Variants in NCAM1 observed in about 807,000 individuals in gnomAD.
NCAM1 encodes the protein neural cell adhesion molecule 1.
In NCAM1, 14 loss-of-function variants were observed where a neutral mutation model predicts 109.8. That is an observed-to-expected ratio of 0.13 (90% CI 0.08 to 0.20). The LOEUF (loss-of-function observed/expected upper bound fraction) is 0.20, where lower values mean the gene tolerates loss of function less well. NCAM1 is among the 10% of genes least tolerant of loss of function. The pLI, the probability that NCAM1 is intolerant of heterozygous loss-of-function variation, is 1.00. For missense variants in NCAM1, 774 were observed against 1,109.9 expected (o/e 0.70, Z 4.30); for synonymous variants, 418 against 442.9 (o/e 0.94, Z 0.70).
At chr11:113,082,691 A>G (rs782658298) in intron 1 of NCAM1, among the ~76,000 whole-genome samples, 2 of 152,224 alleles carry the variant, frequency 1.3e-5, no homozygotes, top group African/African-American at 2.4e-5. Context: ...AGCGTGCTTG[A>G]CACATCTATG....
chr11:113,116,482 A>C (rs1186662280), intron 1 of NCAM1, among the ~76,000 whole-genome samples: 3 of 152,270 alleles, frequency 2.0e-5, no homozygotes, highest in Admixed American at 2.0e-4. Flanking sequence ...GAGCTAAGCT[A>C]GTTCAGCTGG....
chr11:113,048,471 G>A (rs1007537184), intron 1 of NCAM1, among the ~76,000 whole-genome samples: 1 of 152,174 alleles, frequency 6.6e-6, no homozygotes, highest in Admixed American at 6.5e-5. Flanking sequence ...TTGAATTACT[G>A]AAGAGCAAGG....
intron 1 of NCAM1, among the ~76,000 whole-genome samples, chr11:113,101,367 C>T (rs1305590684): frequency 3.9e-5 from 6 of 152,280 alleles, no homozygotes; most frequent in East Asian, 3.9e-4. Context: ...TTGTTAGCAC[C>T]GCTGAGCGTG....
chr11:113,222,757 A>C (rs1944724461), intron 9 of NCAM1, among the ~76,000 whole-genome samples: 1 of 152,180 alleles, frequency 6.6e-6, no homozygotes. Context: ...AGGAGATGTT[A>C]AGAGAATTAT....
rs576548045 is a variant in NCAM1 at position 113,206,138 on chromosome 11, C to T, written c.586C>T (p.Arg196Trp). ...TCGCTGTGAGGGCAGAATCCTGGCA[C>T]GGGGGGAGATCAACTTCAAGGACAT... The part of the protein sequence containing the change: ...TYRCEGRILA[R>W]GEINFKDIQV... The change falls in exon 5 of 20, where the codon CGG becomes TGG. Residue 196 changes from arginine (R) to tryptophan (W), a missense_variant. Coordinates refer to ENST00000316851, the MANE Select transcript of NCAM1 (RefSeq NM_181351.5). 6 of 1,613,512 alleles carry T rather than the reference C, an allele frequency of 3.7e-6. No homozygotes were observed. Among genetic ancestry groups the T allele is most frequent in the East Asian group, 2.2e-5 (1 of 44,884 alleles).
chr11:112,982,349 A>C (rs1327001701), intron 1 of NCAM1, among the ~76,000 whole-genome samples: 2 of 151,928 alleles, frequency 1.3e-5, no homozygotes, highest in Non-Finnish European at 2.9e-5. Flanking sequence ...ATGTATGCAA[A>C]GGTTTGGTGG....
rs551712215 is a variant in NCAM1 at position 113,243,098 on chromosome 11, C to G, written c.1826-3270C>G. On this transcript the variant is annotated intron_variant, in intron 14 of 19. Coordinates refer to ENST00000316851, the MANE Select transcript of NCAM1 (RefSeq NM_181351.5). ...CGTGCATGAGGAGGCTTTTCCAAAT[C>G]GACTCTCTAGTTAAAAATAGCCAAG... 7 of 620,316 alleles carry G rather than the reference C, an allele frequency of 1.1e-5. No individual in the cohort carries two copies. In the African/African-American group the frequency reaches 1.4e-4, roughly 12 times the overall value. 38.4% of individuals were successfully genotyped at this position (620,316 alleles called of 1,614,324 possible). A position where few individuals can be genotyped will look rare whatever the true frequency, so the allele number is the denominator to read the frequency against.
At chr11:113,129,873 C>A (rs1212279149) in intron 1 of NCAM1, among the ~76,000 whole-genome samples, 1 of 152,190 alleles carries the variant, frequency 6.6e-6, no homozygotes, top group Admixed American at 6.5e-5. Context: ...AATAGGCCAG[C>A]AATTTAGCAT....
At chr11:112,994,858 GTTC>G (rs1176892949) in intron 1 of NCAM1, among the ~76,000 whole-genome samples, 1 of 151,958 alleles carries the variant, frequency 6.6e-6, no homozygotes, top group Admixed American at 6.6e-5. Flanking sequence ...TTTGTCAATG[GTTC>G]TTCTTCCATT....
Position 113,148,882 on chromosome 11 carries a change from C to G in NCAM1, c.53-53497C>G, listed in dbSNP as rs114753638. On this transcript the variant is annotated intron_variant, in intron 1 of 19. Transcript: ENST00000316851. Reference sequence around the variant, plus strand: ...ACAGCCATATGAATGGGGCTCTTCACTCTTCTCAGAGAGGTCAGTGGGCAG... The same window carrying G: ...ACAGCCATATGAATGGGGCTCTTCAGTCTTCTCAGAGAGGTCAGTGGGCAG... 3.3e-4 allele frequency among the ~76,000 whole-genome samples: 50 copies of G among 152,260 alleles called. 1 individual carries two copies. Among genetic ancestry groups the G allele is most frequent in the African/African-American group, 1.2e-3 (49 of 41,544 alleles).
At chr11:113,241,472 C>T (rs189222950) in intron 14 of NCAM1, among the ~76,000 whole-genome samples, 114 of 152,206 alleles carry the variant, frequency 7.5e-4, no homozygotes, top group Admixed American at 1.0e-3. Context: ...ACCCACGTCC[C>T]GCCACCCTAA....
chr11:113,026,525 C>T (rs576563357), intron 1 of NCAM1, among the ~76,000 whole-genome samples: 4 of 152,008 alleles, frequency 2.6e-5, no homozygotes, highest in Admixed American at 2.0e-4. Flanking sequence ...AGGATGCAGG[C>T]GGGGAATATC....
chr11:113,181,249 G>A (rs891564262), intron 1 of NCAM1, among the ~76,000 whole-genome samples: 4 of 152,180 alleles, frequency 2.6e-5, no homozygotes, highest in African/African-American at 9.7e-5. Context: ...TGCCAGCCCT[G>A]TGGTTCCAAG....
chr11:113,169,920 ATTTG>A (rs771790195), intron 1 of NCAM1, among the ~76,000 whole-genome samples: 35 of 151,804 alleles, frequency 2.3e-4, no homozygotes, highest in Non-Finnish European at 4.1e-4. Context: ...GCTGTGTTTC[ATTTG>A]TTTGTTTGAC....
At chr11:113,250,000 C>T (rs551675064) in intron 15 of NCAM1, among the ~76,000 whole-genome samples, 105 of 152,288 alleles carry the variant, frequency 6.9e-4, no homozygotes, top group African/African-American at 2.2e-3. Context: ...GCCGTGCCCA[C>T]ACTCACTCAT....
chr11:113,013,451 C>T (rs1381195566), intron 1 of NCAM1, among the ~76,000 whole-genome samples: 19 of 144,250 alleles, frequency 1.3e-4, no homozygotes, highest in Admixed American at 4.2e-4. Context: ...AAAAAAGAAG[C>T]GAAAGAAAAA....
rs34946502 is a variant in NCAM1, at chr11:113,248,228, CAA to C, written c.1828+1875_1828+1876del. Among the ~76,000 whole-genome samples, 362 of 130,036 alleles carry C rather than the reference CAA, an allele frequency of 2.8e-3. 1 individual carries two copies. Among genetic ancestry groups the C allele is most frequent in the African/African-American group, 0.01 (335 of 33,332 alleles). 85.3% of individuals were successfully genotyped at this position (130,036 alleles called of 152,430 possible). Reference sequence around the variant, plus strand: ...TGTTGGTAAAAAATGTGGCCGGTACCAAAAAAAAAAAAAAAAAATCGCTGACA... The same window carrying C: ...TGTTGGTAAAAAATGTGGCCGGTACCAAAAAAAAAAAAAAAATCGCTGACA... On this transcript the variant is annotated intron_variant, in intron 15 of 19. Coordinates refer to ENST00000316851, the MANE Select transcript of NCAM1 (RefSeq NM_181351.5).
chr11:113,112,265 T>C lies in NCAM1; in HGVS notation c.53-90114T>C, dbSNP rs563975864. Among the ~76,000 whole-genome samples, 27 of 152,358 alleles carry C rather than the reference T, an allele frequency of 1.8e-4. No homozygotes were observed. The South Asian group carries it at 4.3e-3, about 25-fold the overall frequency. Reference sequence around the variant, plus strand: ...AAACAAACTTCTCTTTCTTATGTTTTGCCAGTGGAAATATTTACCATTCGA... The same window carrying C: ...AAACAAACTTCTCTTTCTTATGTTTCGCCAGTGGAAATATTTACCATTCGA... On this transcript the variant is annotated intron_variant, in intron 1 of 19. Coordinates refer to ENST00000316851, the MANE Select transcript of NCAM1 (RefSeq NM_181351.5).
intron 1 of NCAM1, among the ~76,000 whole-genome samples, chr11:113,035,683 A>G (rs1952853047): frequency 6.6e-6 from 1 of 152,244 alleles, no homozygotes; most frequent in African/African-American, 2.4e-5. Flanking sequence ...AATATTTTCT[A>G]GATGAAATGT....
Sources: gnomAD v4.1 joint callset for allele counts (sites outside exome capture counted in the v4.1 genomes callset) on GRCh38, gnomAD v4.1.1 for gene constraint, MANE v1.5 for transcripts, NCBI Gene and HGNC (gene_info 2026-07-23, HGNC 2026-07-21) for gene names.